Variants in ATOSA observed in about 807,000 individuals in gnomAD.
The protein encoded by ATOSA is atos homolog A.
chr15:52,613,144 G>T, the ATOSA span, among the ~76,000 whole-genome samples: 9 of 152,082 alleles, frequency 5.9e-5, no homozygotes, highest in Non-Finnish European at 1.3e-4. Flanking sequence ...GAGGAGGGCG[G>T]ATCATGAGGT....
At chr15:52,585,614 C>G in the ATOSA span, among the ~76,000 whole-genome samples, 1 of 152,114 alleles carries the variant, frequency 6.6e-6, no homozygotes, top group South Asian at 2.1e-4. Flanking sequence ...AAATTTGTAG[C>G]AACACTAGCC....
At chr15:52,617,997 C>T in the ATOSA span, among the ~76,000 whole-genome samples, 38 of 151,500 alleles carry the variant, frequency 2.5e-4, no homozygotes, top group South Asian at 8.3e-4. Flanking sequence ...CCCCAAATAC[C>T]GTGTACCAAA....
the ATOSA span, among the ~76,000 whole-genome samples, chr15:52,689,902 C>T: frequency 1.3e-5 from 2 of 152,160 alleles, no homozygotes; most frequent in African/African-American, 2.4e-5. Context: ...TGAAAGAATA[C>T]CAAGTGCTCC....
chr15:52,628,252 A>T, the ATOSA span, among the ~76,000 whole-genome samples: 5 of 152,242 alleles, frequency 3.3e-5, no homozygotes, highest in East Asian at 1.9e-4. Flanking sequence ...TAGATATTTT[A>T]AGACTAATAG....
the ATOSA span, among the ~76,000 whole-genome samples, chr15:52,632,627 C>T: frequency 4.6e-5 from 7 of 152,078 alleles, no homozygotes; most frequent in African/African-American, 1.2e-4. Flanking sequence ...AATTAGTTTT[C>T]GGTTAGTATT....
At chr15:52,613,143 G>A in the ATOSA span, among the ~76,000 whole-genome samples, 13 of 152,026 alleles carry the variant, frequency 8.6e-5, no homozygotes, top group African/African-American at 2.7e-4. Flanking sequence ...TGAGGAGGGC[G>A]GATCATGAGG....
chr15:52,609,606 G>T, the ATOSA span: 1 of 1,612,688 alleles, frequency 6.2e-7, no homozygotes, highest in African/African-American at 1.3e-5. Context: ...TGTCTTCTGG[G>T]GAACTAAACT....
At chr15:52,613,088 C>T in the ATOSA span, among the ~76,000 whole-genome samples, 2 of 152,006 alleles carry the variant, frequency 1.3e-5, no homozygotes, top group Non-Finnish European at 2.9e-5. Context: ...ATAAAGCAGA[C>T]GGGGCGTCCT....
chr15:52,670,135 G>A, the ATOSA span, among the ~76,000 whole-genome samples: 1 of 152,194 alleles, frequency 6.6e-6, no homozygotes, highest in Admixed American at 6.5e-5. Context: ...TTTTTTCTAT[G>A]TTATTGTATA....
At chr15:52,585,137 T>C in the ATOSA span, 1 of 482,480 alleles carries the variant, frequency 2.1e-6, no homozygotes, top group Admixed American at 3.9e-5. Flanking sequence ...AGGTTCAATT[T>C]TTTGTTTTAC....
the ATOSA span, among the ~76,000 whole-genome samples, chr15:52,705,375 G>A: frequency 3.3e-5 from 5 of 152,126 alleles, no homozygotes; most frequent in Non-Finnish European, 5.9e-5. Context: ...GGCTGGGGGA[G>A]GGATAGCTTT....
the ATOSA span, chr15:52,605,304 G>T: frequency 1.6e-6 from 2 of 1,282,694 alleles, no homozygotes; most frequent in South Asian, 2.7e-5. Context: ...TAAAGAACTT[G>T]GACAGTGTTT....
At chr15:52,618,558 T>C in the ATOSA span, among the ~76,000 whole-genome samples, 1 of 152,226 alleles carries the variant, frequency 6.6e-6, no homozygotes, top group African/African-American at 2.4e-5. Context: ...TATGACTTGT[T>C]ATCCTTATGC....
At chr15:52,604,248 C>T in the ATOSA span, among the ~76,000 whole-genome samples, 2 of 152,088 alleles carry the variant, frequency 1.3e-5, no homozygotes, top group Non-Finnish European at 2.9e-5. Context: ...GGTGAAACCC[C>T]GTCTCTACTA....
chr15:52,687,555 T>C, the ATOSA span, among the ~76,000 whole-genome samples: 1 of 152,210 alleles, frequency 6.6e-6, no homozygotes, highest in Non-Finnish European at 1.5e-5. Flanking sequence ...TAGCTATATT[T>C]TGGAGAATAA....
chr15:52,636,986 A>T, the ATOSA span, among the ~76,000 whole-genome samples: 1 of 152,122 alleles, frequency 6.6e-6, no homozygotes, highest in Non-Finnish European at 1.5e-5. Flanking sequence ...TCTGGTTGGC[A>T]CTCAGTTGGA....
chr15:52,615,301 T>A, the ATOSA span, among the ~76,000 whole-genome samples: 1 of 152,232 alleles, frequency 6.6e-6, no homozygotes, highest in Non-Finnish European at 1.5e-5. Context: ...CAGCTAATTT[T>A]AAAAACTGTT....
At chr15:52,639,994 G>A in the ATOSA span, among the ~76,000 whole-genome samples, 10 of 151,566 alleles carry the variant, frequency 6.6e-5, no homozygotes, top group East Asian at 1.9e-4. Context: ...TCCTGATCTC[G>A]TGATCCGCCG....
the ATOSA span, among the ~76,000 whole-genome samples, chr15:52,594,036 C>T: frequency 2.0e-5 from 3 of 152,088 alleles, no homozygotes; most frequent in Non-Finnish European, 4.4e-5. Flanking sequence ...TTAGTTAGGC[C>T]TAATTGTTTA....
Sources: allele counts gnomAD v4.1 joint callset (sites outside exome capture counted in the v4.1 genomes callset), GRCh38; gene constraint gnomAD v4.1.1; transcripts MANE v1.5; gene names NCBI Gene and HGNC (gene_info 2026-07-23, HGNC 2026-07-21).